Variants in NCOA1 observed in about 807,000 individuals in gnomAD.
NCOA1 encodes the protein Hin-2 protein.
NCOA1 carries 35 observed loss-of-function variants against 150.9 expected under a neutral mutation model. The ratio of observed to expected loss-of-function variants is 0.23; its 90% CI spans 0.18 to 0.31. NCOA1 has a LOEUF of 0.31. Ranked by LOEUF, NCOA1 falls within the 10% of genes least tolerant of loss-of-function variation. The pLI is 1.00. For missense variants in NCOA1, 1,491 were observed against 1,749.3 expected (o/e 0.85, Z 2.63); for synonymous variants, 590 against 630.0 (o/e 0.94, Z 0.95).
chr2:24,685,825 AATT>A (rs1273973180), intron 8 of NCOA1, among the ~76,000 whole-genome samples: 1 of 152,170 alleles, frequency 6.6e-6, no homozygotes, highest in Non-Finnish European at 1.5e-5. Flanking sequence ...ATAGATCTAC[AATT>A]ATTATTAACA....
intron 3 of NCOA1, among the ~76,000 whole-genome samples, chr2:24,630,005 G>A (rs11692059): frequency 0.15 from 22,413 of 151,222 alleles, 2,016 homozygotes; most frequent in Non-Finnish European, 0.2. Context: ...CATCACGCCC[G>A]GCTAATTGTT....
intron 7 of NCOA1, among the ~76,000 whole-genome samples, chr2:24,675,914 A>C (rs2148525282): frequency 6.6e-6 from 1 of 152,228 alleles, no homozygotes; most frequent in African/African-American, 2.4e-5. Context: ...ATAAGTAAAA[A>C]ATAAACAAGA....
chr2:24,629,946 C>T (rs1262584235), intron 3 of NCOA1, among the ~76,000 whole-genome samples: 1 of 150,866 alleles, frequency 6.6e-6, no homozygotes, highest in Non-Finnish European at 1.5e-5. Flanking sequence ...TGGGTTCACA[C>T]CATTCTCCTG....
chr2:24,757,931 C>A (rs762619246), intron 20 of NCOA1, 42 bp from the exon 21 acceptor site: 9 of 1,596,108 alleles, frequency 5.6e-6, no homozygotes. Flanking sequence ...TCCCCTTGTT[C>A]ATGATCAGTG....
chr2:24,734,483 ATTTAAAACAAAGC>A (rs1663186531), intron 17 of NCOA1, among the ~76,000 whole-genome samples: 3 of 152,202 alleles, frequency 2.0e-5, no homozygotes, highest in African/African-American at 7.2e-5. Flanking sequence ...CGATATCAAG[ATTTAAAACAAAGC>A]TTTAAAAATT....
intron 3 of NCOA1, among the ~76,000 whole-genome samples, chr2:24,618,353 G>A (rs1245813749): frequency 6.6e-6 from 1 of 152,152 alleles, no homozygotes; most frequent in Non-Finnish European, 1.5e-5. Flanking sequence ...CCTTACTGAT[G>A]CAGTTCTTCA....
intron 19 of NCOA1, among the ~76,000 whole-genome samples, chr2:24,750,928 G>A (rs577910243): frequency 6.6e-6 from 1 of 150,984 alleles, no homozygotes; most frequent in Non-Finnish European, 1.5e-5. Context: ...GGGGGAAGGA[G>A]GGGGGGAAGA....
Position 24,593,234 on chromosome 2 carries a change from A to G in NCOA1, c.-175+8674A>G, listed in dbSNP as rs975545510. On this transcript the variant is annotated intron_variant, in intron 3 of 22. Coordinates refer to ENST00000348332, the MANE Select transcript of NCOA1 (RefSeq NM_003743.5). ...ACTATTGAGAAGGGAAAGGAAACCTATATTTATTAAACTCTTTACAGAAAA... is the reference window on the plus strand; with the variant it reads ...ACTATTGAGAAGGGAAAGGAAACCTGTATTTATTAAACTCTTTACAGAAAA... Among the ~76,000 whole-genome samples the G allele has an allele frequency of 3.3e-5, 5 of 152,120 alleles. No homozygotes were observed. The East Asian group carries it at 7.7e-4, about 23-fold the overall frequency.
intron 3 of NCOA1, among the ~76,000 whole-genome samples, chr2:24,613,368 T>A (rs994402366): frequency 1.3e-5 from 2 of 152,200 alleles, no homozygotes; most frequent in African/African-American, 4.8e-5. Context: ...CACAGTGGTC[T>A]GAGCTACTTG....
intron 9 of NCOA1, 68 bp downstream of exon 9, chr2:24,691,728 A>G: frequency 6.6e-7 from 1 of 1,511,010 alleles, no homozygotes; most frequent in Non-Finnish European, 9.0e-7. Context: ...GAGGAAATTA[A>G]TTATAAACTG....
intron 1 of NCOA1, among the ~76,000 whole-genome samples, chr2:24,499,515 A>G (rs1256205482): frequency 1.3e-5 from 2 of 151,180 alleles, no homozygotes; most frequent in Non-Finnish European, 2.9e-5. Context: ...TTTATCTTCT[A>G]TTTCATACCA....
intron 3 of NCOA1, among the ~76,000 whole-genome samples, chr2:24,608,988 A>T (rs1350937867): frequency 6.6e-6 from 1 of 152,120 alleles, no homozygotes; most frequent in East Asian, 1.9e-4. Flanking sequence ...AATATCCATG[A>T]CATCACTGAT....
intron 1 of NCOA1, among the ~76,000 whole-genome samples, chr2:24,498,544 A>G (rs1663320704): frequency 6.6e-6 from 1 of 152,204 alleles, no homozygotes; most frequent in South Asian, 2.1e-4. Flanking sequence ...GTGGTAGACA[A>G]AAGCATTGAG....
intron 19 of NCOA1, among the ~76,000 whole-genome samples, chr2:24,751,032 G>A (rs1664203036): frequency 1.3e-5 from 2 of 149,562 alleles, no homozygotes; most frequent in Admixed American, 1.3e-4. Flanking sequence ...CTGTCACCCA[G>A]GGTGGTGTGC....
At chr2:24,501,697 C>G (rs1663469756) in intron 1 of NCOA1, among the ~76,000 whole-genome samples, 1 of 152,100 alleles carries the variant, frequency 6.6e-6, no homozygotes, top group African/African-American at 2.4e-5. Context: ...ACCTGGGGTT[C>G]ATAGAATAAG....
chr2:24,595,330 CAG>C (rs1435932015), intron 3 of NCOA1, among the ~76,000 whole-genome samples: 1 of 151,992 alleles, frequency 6.6e-6, no homozygotes. Flanking sequence ...ATTTACAAAA[CAG>C]AAGTTTCTTA....
At chr2:24,719,755 C>G (rs1410618589) in intron 14 of NCOA1, among the ~76,000 whole-genome samples, 1 of 152,032 alleles carries the variant, frequency 6.6e-6, no homozygotes, top group Non-Finnish European at 1.5e-5. Flanking sequence ...GAACCGGGGG[C>G]CTGGCGAATC....
chr2:24,766,477 G>A (rs1037126305), intron 22 of NCOA1, among the ~76,000 whole-genome samples: 1 of 152,076 alleles, frequency 6.6e-6, no homozygotes, highest in African/African-American at 2.4e-5. Context: ...CAGTGTTTTT[G>A]TATTTACCAG....
At position 24,715,215 on chromosome 2, in the gene NCOA1, G is replaced by C. The variant is rs1558309862; in HGVS notation, c.2599+4104G>C. Among the ~76,000 whole-genome samples the C allele has an allele frequency of 2.0e-5, 3 of 152,060 alleles. 1 individual carries two copies. The South Asian group carries it at 6.2e-4, about 31-fold the overall frequency. ...CTCTAACCTACAGAAAATAATAAGAGAGCCAGATAAGTAAAGGTATGAATA... is the reference window on the plus strand; with the variant it reads ...CTCTAACCTACAGAAAATAATAAGACAGCCAGATAAGTAAAGGTATGAATA... On this transcript the variant is annotated intron_variant, in intron 14 of 22. Transcript: ENST00000348332.
Sources: allele counts gnomAD v4.1 joint callset (sites outside exome capture counted in the v4.1 genomes callset), GRCh38; gene constraint gnomAD v4.1.1; transcripts MANE v1.5; gene names NCBI Gene and HGNC (gene_info 2026-07-23, HGNC 2026-07-21).